The following DCC variants were observed in gnomAD, a reference collection of about 807,000 sequenced individuals.
DCC encodes netrin receptor DCC.
In DCC, 58 loss-of-function variants were observed where a neutral mutation model predicts 172.5. That is an observed-to-expected ratio of 0.34 (90% CI 0.27 to 0.42). The LOEUF is 0.42. Ranked by LOEUF, DCC falls within the 10% of genes least tolerant of loss-of-function variation. DCC has a pLI of 1.00. For synonymous variants in DCC, 709 were observed against 644.5 expected (o/e 1.10, Z -1.52); for missense variants, 1,740 against 1,791.0 (o/e 0.97, Z 0.51).
chr18:52,600,445 A>G (rs909414416), intron 1 of DCC, among the ~76,000 whole-genome samples: 1 of 152,044 alleles, frequency 6.6e-6, no homozygotes, highest in African/African-American at 2.4e-5. Context: ...AAGAAAACAC[A>G]CCTAACTTAT....
At chr18:53,218,879 C>G (rs2055891339) in intron 12 of DCC, among the ~76,000 whole-genome samples, 1 of 151,924 alleles carries the variant, frequency 6.6e-6, no homozygotes, top group South Asian at 2.1e-4. Flanking sequence ...AATTAGTTGG[C>G]TGGAACATAA....
At chr18:53,465,298 A>C (rs2045607601) in intron 24 of DCC, among the ~76,000 whole-genome samples, 1 of 148,108 alleles carries the variant, frequency 6.8e-6, no homozygotes, top group Non-Finnish European at 1.5e-5. Context: ...ATTTTCCTTC[A>C]TTGGACAATG....
At chr18:53,195,953 A>G (rs531676589) in intron 9 of DCC, among the ~76,000 whole-genome samples, 1 of 152,188 alleles carries the variant, frequency 6.6e-6, no homozygotes, top group African/African-American at 2.4e-5. Flanking sequence ...ATAAAAGTTC[A>G]TAGTTCTAGA....
At chr18:52,382,833 T>A (rs189956513) in intron 1 of DCC, among the ~76,000 whole-genome samples, 1 of 152,186 alleles carries the variant, frequency 6.6e-6, no homozygotes, top group Admixed American at 6.5e-5. Context: ...AATACTCAGG[T>A]GCCTGTGTAG....
chr18:52,800,956 A>G (rs1408708750), intron 2 of DCC, among the ~76,000 whole-genome samples: 5 of 152,154 alleles, frequency 3.3e-5, no homozygotes, highest in African/African-American at 9.7e-5. Context: ...ATCATTGACA[A>G]TAGCCTTGTT....
chr18:53,260,010 T>C (rs2056574834), intron 12 of DCC, among the ~76,000 whole-genome samples: 2 of 152,238 alleles, frequency 1.3e-5, no homozygotes, highest in Admixed American at 6.5e-5. Flanking sequence ...ACTGAGGCTT[T>C]TGCATTCGTC....
chr18:53,325,378 A>G (rs1356703959), intron 14 of DCC, among the ~76,000 whole-genome samples: 1 of 152,102 alleles, frequency 6.6e-6, no homozygotes, highest in Admixed American at 6.6e-5. Flanking sequence ...TATATCTCTT[A>G]CTGGAAGGAG....
In DCC at chr18:53,350,405, A is replaced by G. The variant is rs534173758; in HGVS notation, c.2359+10498A>G. 3.3e-5 allele frequency among the ~76,000 whole-genome samples: 5 copies of G among 152,320 alleles called. No homozygotes were observed. In the South Asian group the frequency reaches 1.0e-3, roughly 32 times the overall value. ...AATAACATAGGTTATTTCCATGAAT[A>G]CTCAATTGTAATTTCCTTTTATTCT... On this transcript the variant is annotated intron_variant, in intron 15 of 28. Coordinates refer to ENST00000442544, the MANE Select transcript of DCC (RefSeq NM_005215.4).
At chr18:52,786,372 A>T (rs1046940620) in intron 2 of DCC, among the ~76,000 whole-genome samples, 33 of 152,080 alleles carry the variant, frequency 2.2e-4, no homozygotes, top group African/African-American at 7.2e-4. Flanking sequence ...TAGGCAAAAA[A>T]ACTTAAAAAC....
chr18:52,568,937 G>T (rs1311334106), intron 1 of DCC, among the ~76,000 whole-genome samples: 1 of 152,122 alleles, frequency 6.6e-6, no homozygotes, highest in African/African-American at 2.4e-5. Context: ...GAAATACTAT[G>T]ATTTAAAAAT....
chr18:53,501,000 G>C (rs1313788330), intron 27 of DCC, among the ~76,000 whole-genome samples: 1 of 152,090 alleles, frequency 6.6e-6, no homozygotes, highest in East Asian at 1.9e-4. Flanking sequence ...CTTGAAGCAA[G>C]AGCATTCATT....
chr18:52,936,568 G>A (rs1378073851), intron 5 of DCC, among the ~76,000 whole-genome samples: 1 of 67,300 alleles, frequency 1.5e-5, no homozygotes, highest in African/African-American at 4.7e-5. Flanking sequence ...AGGCCCCCGA[G>A]GGAAAAGCAA....
chr18:52,982,438 G>A (rs892375438), intron 5 of DCC, among the ~76,000 whole-genome samples: 2 of 152,148 alleles, frequency 1.3e-5, no homozygotes, highest in Non-Finnish European at 2.9e-5. Flanking sequence ...GCTAAACACT[G>A]TATATCTTCT....
intron 12 of DCC, 67 bp downstream of exon 12, chr18:53,215,664 C>A: frequency 2.4e-6 from 3 of 1,275,506 alleles, no homozygotes; most frequent in South Asian, 1.2e-5. Context: ...AACCTTCACT[C>A]ACCCAACTGC....
chr18:52,803,476 T>C (rs28549056), intron 2 of DCC, among the ~76,000 whole-genome samples: 7,626 of 152,256 alleles, frequency 0.05, 252 homozygotes, highest in South Asian at 0.16. Flanking sequence ...CTGTGAACGG[T>C]GCCATGTACT....
At chr18:53,143,673 A>G (rs1364036769) in intron 7 of DCC, among the ~76,000 whole-genome samples, 2 of 152,274 alleles carry the variant, frequency 1.3e-5, no homozygotes, top group Non-Finnish European at 2.9e-5. Context: ...CTCTATCTTC[A>G]TGCTTATTGC....
At chr18:52,514,240 T>C (rs2031545424) in intron 1 of DCC, among the ~76,000 whole-genome samples, 1 of 141,646 alleles carries the variant, frequency 7.1e-6, no homozygotes, top group Non-Finnish European at 1.6e-5. Context: ...TGTGTATATG[T>C]ATATGTGTAT....
intron 5 of DCC, among the ~76,000 whole-genome samples, chr18:52,961,491 A>G (rs564475627): frequency 2.0e-5 from 3 of 152,218 alleles, no homozygotes; most frequent in East Asian, 3.9e-4. Flanking sequence ...CTGACAGTTT[A>G]TTTCAGAACT....
At chr18:53,478,749 T>A (rs551245494) in intron 25 of DCC, among the ~76,000 whole-genome samples, 1 of 152,290 alleles carries the variant, frequency 6.6e-6, no homozygotes, top group African/African-American at 2.4e-5. Flanking sequence ...CATTAGTCAC[T>A]TGGCTGTAGA....
Sources: allele counts gnomAD v4.1 joint callset (sites outside exome capture counted in the v4.1 genomes callset), GRCh38; gene constraint gnomAD v4.1.1; transcripts MANE v1.5; gene names NCBI Gene and HGNC (gene_info 2026-07-23, HGNC 2026-07-21).